Variants in UBE4B observed in about 807,000 individuals in gnomAD.
UBE4B encodes the protein ubiquitin conjugation factor E4 B.
A neutral mutation model predicts 148.1 loss-of-function variants in UBE4B; 27 were observed. The ratio of observed to expected loss-of-function variants is 0.18; its 90% CI spans 0.13 to 0.25. UBE4B has a LOEUF of 0.25. Among genes scored for constraint, UBE4B ranks in the 10% least tolerant of loss-of-function variants. The probability of loss-of-function intolerance (pLI) is 1.00; values close to 1 mark genes in which losing one functional copy is unlikely to be tolerated. For missense variants in UBE4B, 1,170 were observed against 1,662.4 expected (o/e 0.70, Z 5.15); for synonymous variants, 596 against 619.3 (o/e 0.96, Z 0.56).
At position 10,106,106 on chromosome 1, in the gene UBE4B, C is replaced by T. The variant is rs1645101113; in HGVS notation, c.810-91C>T. 1.4e-6 allele frequency: 2 copies of T among 1,407,298 alleles called. No individual in the cohort carries two copies. Among genetic ancestry groups the T allele is most frequent in the Non-Finnish European group, 1.9e-6 (2 of 1,043,210 alleles). The allele number at this position is 1,407,298 out of a possible 1,614,324, so 87.2% of individuals were successfully genotyped here. On this transcript the variant is annotated intron_variant, in intron 6 of 27. Transcript: ENST00000343090. This position sits in a 1 kb window ranked among gnomAD's most constrained non-coding sequence, Gnocchi z 4.2. ...ATATACTTGAACTGAAATGATTCTCCTTTAAAAGCTTGATATTTTCTGTTT... is the reference window on the plus strand; with the variant it reads ...ATATACTTGAACTGAAATGATTCTCTTTTAAAAGCTTGATATTTTCTGTTT...
Position 10,179,144 on chromosome 1 carries a change from G to A in UBE4B, c.3701-272G>A, listed in dbSNP as rs1571047122. The A allele has an allele frequency of 6.1e-5, 30 of 488,882 alleles. No homozygotes were observed. The South Asian group carries it at 9.8e-4, about 16-fold the overall frequency. 30.3% of individuals were successfully genotyped at this position (488,882 alleles called of 1,614,324 possible). The stretch of plus-strand genomic sequence containing the variant: ...AATTCCAGCCTGCCGTCCTCGCCAC[G>A]GAGCCTGTGGGGCCTGCTGCTGGGT... On this transcript the variant is annotated intron_variant, in intron 26 of 27. Transcript: ENST00000343090.
At chr1:10,155,084 AGTGTGTGTGTGT>A (rs144718535) in intron 21 of UBE4B, among the ~76,000 whole-genome samples, 7,616 of 146,266 alleles carry the variant, frequency 0.052, 500 homozygotes, top group East Asian at 0.21. Context: ...AGAGAGAGAG[AGTGTGTGTGTGT>A]GTGTGTGTGT....
chr1:10,163,538 C>T (rs1379594881), intron 23 of UBE4B, among the ~76,000 whole-genome samples: 2 of 151,696 alleles, frequency 1.3e-5, no homozygotes, highest in Non-Finnish European at 2.9e-5. Context: ...TGTGGTGGCA[C>T]GCCGCTGTAG....
chr1:10,114,500 C>T (rs940100078), intron 7 of UBE4B, among the ~76,000 whole-genome samples: 4 of 152,042 alleles, frequency 2.6e-5, no homozygotes, highest in African/African-American at 4.8e-5. Context: ...TTTCAGTTAT[C>T]AAGCCAGTCA....
intron 10 of UBE4B, among the ~76,000 whole-genome samples, chr1:10,126,341 A>C (rs1028977338): frequency 6.6e-6 from 1 of 152,146 alleles, no homozygotes; most frequent in Non-Finnish European, 1.5e-5. Context: ...ATAGATAGAT[A>C]GATAGATAGA....
intron 23 of UBE4B, chr1:10,163,378 A>G (rs1161564454): frequency 6.6e-6 from 1 of 152,206 alleles, no homozygotes; most frequent in African/African-American, 2.4e-5. Context: ...TCCTTTAAAA[A>G]TAAATATTAG....
At chr1:10,163,647 G>A (rs1291324609) in intron 23 of UBE4B, among the ~76,000 whole-genome samples, 9 of 151,984 alleles carry the variant, frequency 5.9e-5, no homozygotes, top group Admixed American at 6.6e-5. Flanking sequence ...CAGCCTGGGC[G>A]ACAGAGTGAG....
intron 11 of UBE4B, 95 bp from the exon 12 acceptor site, chr1:10,129,297 G>GA (rs1320588490): frequency 1.7e-6 from 2 of 1,200,144 alleles, no homozygotes; most frequent in Admixed American, 3.6e-5. Context: ...TAGAGGGAAC[G>GA]AATTTATAGC....
At chr1:10,165,530 A>G (rs116586213) in intron 23 of UBE4B, among the ~76,000 whole-genome samples, 2,652 of 152,206 alleles carry the variant, frequency 0.017, 34 homozygotes, top group Non-Finnish European at 0.027. Flanking sequence ...ACTCAGAGCC[A>G]AATCCTGTGG....
At chr1:10,122,169 C>T (rs559873387) in intron 10 of UBE4B, 93 bp downstream of exon 10, 12 of 782,318 alleles carry the variant, frequency 1.5e-5, no homozygotes, top group Middle Eastern at 2.4e-4. Flanking sequence ...TGCCTGAATT[C>T]GAACATCCAT....
intron 19 of UBE4B, among the ~76,000 whole-genome samples, chr1:10,147,811 C>G (rs1242897559): frequency 3.9e-5 from 6 of 152,184 alleles, no homozygotes; most frequent in Non-Finnish European, 7.3e-5. Context: ...TGGTCATCTC[C>G]TCCAGGCAAA....
chr1:10,084,471 A>G (rs181617414), intron 2 of UBE4B, among the ~76,000 whole-genome samples: 4 of 152,134 alleles, frequency 2.6e-5, no homozygotes, highest in South Asian at 2.1e-4. Context: ...GCCTATAACC[A>G]GTAGAGATCG....
intron 1 of UBE4B, among the ~76,000 whole-genome samples, chr1:10,064,088 C>T (rs938514254): frequency 3.9e-5 from 6 of 152,150 alleles, no homozygotes; most frequent in Non-Finnish European, 7.4e-5. Context: ...CATACACACT[C>T]ATTCTTACCA....
intron 2 of UBE4B, among the ~76,000 whole-genome samples, chr1:10,086,147 A>G (rs1156714667): frequency 2.0e-5 from 3 of 151,766 alleles, no homozygotes; most frequent in Non-Finnish European, 2.9e-5. Flanking sequence ...AATTTTTTGT[A>G]TTTTTAGTAG....
chr1:10,049,769 G>A (rs1176123808), intron 1 of UBE4B, among the ~76,000 whole-genome samples: 1 of 151,420 alleles, frequency 6.6e-6, no homozygotes, highest in Non-Finnish European at 1.5e-5. Context: ...ATGCACCTGT[G>A]GTCCCAGCTA....
chr1:10,107,560 T>TTTTC (rs1306556748), intron 7 of UBE4B, among the ~76,000 whole-genome samples: 16 of 150,956 alleles, frequency 1.1e-4, no homozygotes, highest in South Asian at 4.2e-4. Context: ...AATTTTCTTT[T>TTTTC]TTTCTTTCTT....
At chr1:10,063,284 A>G (rs1644322500) in intron 1 of UBE4B, among the ~76,000 whole-genome samples, 1 of 152,186 alleles carries the variant, frequency 6.6e-6, no homozygotes, top group South Asian at 2.1e-4. Context: ...AAACAAAAAC[A>G]AAACAGATGT....
In UBE4B at chr1:10,049,309, G is replaced by A. The variant is rs538610643; in HGVS notation, c.24+15615G>A. Among the ~76,000 whole-genome samples, 7 of 152,264 alleles carry A rather than the reference G, an allele frequency of 4.6e-5. No individual in the cohort carries two copies. In the Middle Eastern group the frequency reaches 0.014, roughly 296 times the overall value. On this transcript the variant is annotated intron_variant, in intron 1 of 27. Transcript: ENST00000343090. ...AGGCTGCAGCTGGGGACACAGGAAC[G>A]CAACCAGCTAGACTTCAAGTGCTAA...
Position 10,161,284 on chromosome 1 carries a change from C to T in UBE4B, c.3196C>T (p.Arg1066Trp), listed in dbSNP as rs371058351. The change falls in exon 23 of 28, where the codon CGG becomes TGG. Residue 1066 changes from arginine (R) to tryptophan (W), a missense_variant and splice_region_variant. By Grantham distance (101) the Arg-to-Trp change is moderately radical. Transcript: ENST00000343090. This position sits in a 1 kb window ranked among gnomAD's most constrained non-coding sequence, Gnocchi z 4.1. ...CAAAGAACAGTGGGACCAGTTGCCC[C>T]GGGTGAGGACGTGGTCCAGAGGCTT... ...KNKEQWDQLP[R>W]DQQQARQSQL... is the part of the protein sequence containing the mutation. The T allele has an allele frequency of 5.0e-6, 8 of 1,613,750 alleles. No homozygotes were observed. Among genetic ancestry groups the T allele is most frequent in the South Asian group, 2.2e-5 (2 of 91,046 alleles).
Sources: gnomAD v4.1 joint callset for allele counts (sites outside exome capture counted in the v4.1 genomes callset) on GRCh38, gnomAD v4.1.1 for gene constraint, Gnocchi (gnomAD v3.1) non-coding constraint, MANE v1.5 for transcripts, NCBI Gene and HGNC (gene_info 2026-07-23, HGNC 2026-07-21) for gene names.